Variants in EFHD1 observed in about 807,000 individuals in gnomAD.
EFHD1 encodes the protein EF-hand domain-containing protein D1.
In EFHD1, 10 loss-of-function variants were observed where a neutral mutation model predicts 17.2. The observed-to-expected ratio is 0.58, with a 90% CI of 0.36 to 0.99. The LOEUF (loss-of-function observed/expected upper bound fraction) is 0.99. EFHD1 is among the 50% of genes least tolerant of loss of function. EFHD1 has a pLI of 0.01. For missense variants in EFHD1, 310 were observed against 327.5 expected, an observed-to-expected ratio of 0.95 and a Z score of 0.41; for synonymous variants, 153 against 142.0, an observed-to-expected ratio of 1.08 and a Z score of -0.55.
chr2:232,660,111 C>G (rs1487251062), intron 1 of EFHD1, among the ~76,000 whole-genome samples: 1 of 152,174 alleles, frequency 6.6e-6, no homozygotes, highest in Non-Finnish European at 1.5e-5. Context: ...GATGCAGATC[C>G]AAACCAGATC....
At chr2:232,606,320 C>A in intron 1 of EFHD1, 1 of 983,832 alleles carries the variant, frequency 1.0e-6, no homozygotes, top group African/African-American at 1.6e-5. Context: ...CTTCCCTGCC[C>A]CGCGCACGGT....
chr2:232,670,529 T>G (rs1267837506), intron 2 of EFHD1, among the ~76,000 whole-genome samples: 1 of 152,172 alleles, frequency 6.6e-6, no homozygotes, highest in African/African-American at 2.4e-5. Flanking sequence ...ATTTTGAATC[T>G]GGAGGAGGAG....
chr2:232,665,567 G>T (rs574365755), intron 2 of EFHD1, among the ~76,000 whole-genome samples: 1 of 152,084 alleles, frequency 6.6e-6, no homozygotes, highest in East Asian at 1.9e-4. Flanking sequence ...GACTACAGGC[G>T]CATGCCATCA....
chr2:232,637,952 A>C (rs912282717), intron 1 of EFHD1, among the ~76,000 whole-genome samples: 2 of 152,182 alleles, frequency 1.3e-5, no homozygotes, highest in African/African-American at 4.8e-5. Context: ...AGGACCTAAC[A>C]AATGAGGCTG....
In EFHD1 at chr2:232,660,858, A is replaced by G. The variant is rs145878087; in HGVS notation, c.303-1944A>G. Among the ~76,000 whole-genome samples, 421 of 152,152 alleles carry G rather than the reference A, an allele frequency of 2.8e-3. 2 individuals are homozygous for G. The highest frequency in any genetic ancestry group is 5.2e-3 in the Non-Finnish European group (351 of 67,950). On this transcript the variant is annotated intron_variant, in intron 1 of 3. Coordinates refer to ENST00000264059, the MANE Select transcript of EFHD1 (RefSeq NM_025202.4). ...CTGTGTGTGGTGGCACACACTTGTA[A>G]TCCCAGCTACTTGGGAGACTGAGGC...
chr2:232,671,344 G>T (rs1443843665), intron 2 of EFHD1, among the ~76,000 whole-genome samples: 1 of 151,878 alleles, frequency 6.6e-6, no homozygotes, highest in African/African-American at 2.4e-5. Context: ...GAATCAGAGG[G>T]CATAGGACCA....
At chr2:232,651,061 G>T (rs891071318) in intron 1 of EFHD1, among the ~76,000 whole-genome samples, 1 of 152,162 alleles carries the variant, frequency 6.6e-6, no homozygotes, top group Admixed American at 6.5e-5. Context: ...AATAAGGAGG[G>T]AGGGATCCAG....
chr2:232,671,349 G>C (rs1201815252), intron 2 of EFHD1, among the ~76,000 whole-genome samples: 1 of 152,000 alleles, frequency 6.6e-6, no homozygotes, highest in East Asian at 1.9e-4. Flanking sequence ...AGAGGGCATA[G>C]GACCACCTGA....
upstream of EFHD1, among the ~76,000 whole-genome samples, chr2:232,632,619 C>A (rs770768439): frequency 1.3e-5 from 2 of 151,948 alleles, no homozygotes; most frequent in Non-Finnish European, 2.9e-5. Flanking sequence ...TCCCCCTCTC[C>A]CTCCTTCTTC....
At chr2:232,669,968 A>G (rs140383441) in intron 2 of EFHD1, among the ~76,000 whole-genome samples, 2 of 152,320 alleles carry the variant, frequency 1.3e-5, no homozygotes, top group East Asian at 3.9e-4. Flanking sequence ...CTGTGGGTGC[A>G]TACATTTTAG....
At chr2:232,633,045 TATTTG>T (rs1392046416), upstream of EFHD1, among the ~76,000 whole-genome samples, 2 of 152,218 alleles carry the variant, frequency 1.3e-5, no homozygotes, top group Non-Finnish European at 2.9e-5. Context: ...TTTGTTTGCT[TATTTG>T]TTTTTAGTAT....
At chr2:232,660,687 A>G (rs1429644661) in intron 1 of EFHD1, among the ~76,000 whole-genome samples, 1 of 151,932 alleles carries the variant, frequency 6.6e-6, no homozygotes, top group Non-Finnish European at 1.5e-5. Context: ...CTTAACATAA[A>G]ATTGACCAGG....
chr2:232,678,914 TAA>T (rs1180410846), intron 3 of EFHD1, among the ~76,000 whole-genome samples: 6 of 152,220 alleles, frequency 3.9e-5, no homozygotes, highest in African/African-American at 1.4e-4. Context: ...CTTGTGAAGA[TAA>T]AGTCAAGTCC....
chr2:232,642,269 G>C (rs544615372), intron 1 of EFHD1, among the ~76,000 whole-genome samples: 9 of 149,318 alleles, frequency 6.0e-5, no homozygotes, highest in Non-Finnish European at 1.2e-4. Flanking sequence ...TGTAATCCCA[G>C]CTACTTGGGA....
upstream of EFHD1, among the ~76,000 whole-genome samples, chr2:232,632,908 C>T (rs891724946): frequency 3.3e-5 from 5 of 152,256 alleles, no homozygotes; most frequent in Non-Finnish European, 5.9e-5. Flanking sequence ...GGATGTGAGT[C>T]TCCGCGCCAG....
chr2:232,624,827 C>G (rs908284574), intron 1 of EFHD1, among the ~76,000 whole-genome samples: 1 of 152,154 alleles, frequency 6.6e-6, no homozygotes, highest in Non-Finnish European at 1.5e-5. Flanking sequence ...GAGCTCCACG[C>G]TTACAGCCTC....
chr2:232,632,305 A>G (rs1259198822), upstream of EFHD1, among the ~76,000 whole-genome samples: 1 of 152,210 alleles, frequency 6.6e-6, no homozygotes, highest in Non-Finnish European at 1.5e-5. Flanking sequence ...TTTAAAAATA[A>G]CATTTTAACC....
intron 3 of EFHD1, among the ~76,000 whole-genome samples, chr2:232,676,378 C>T (rs1404321022): frequency 6.6e-6 from 1 of 152,178 alleles, no homozygotes; most frequent in African/African-American, 2.4e-5. Flanking sequence ...CTCCTGGCTG[C>T]ATGGGAGGTT....
intron 1 of EFHD1, among the ~76,000 whole-genome samples, chr2:232,656,577 A>G (rs1420813367): frequency 6.6e-6 from 1 of 151,932 alleles, no homozygotes; most frequent in African/African-American, 2.4e-5. Context: ...CTGGAACCAC[A>G]GGCACATGCC....
Sources: gnomAD v4.1 joint callset for allele counts (sites outside exome capture counted in the v4.1 genomes callset) on GRCh38, gnomAD v4.1.1 for gene constraint, MANE v1.5 for transcripts, NCBI Gene and HGNC (gene_info 2026-07-23, HGNC 2026-07-21) for gene names.